The following TNFRSF21 variants were observed in gnomAD, a reference collection of about 807,000 sequenced individuals.
TNFRSF21 encodes TNF receptor superfamily member 21, also known as tumor necrosis factor receptor superfamily member 21.
In TNFRSF21, 19 loss-of-function variants were observed where a neutral mutation model predicts 45.6. The observed-to-expected ratio is 0.42, with a 90% CI of 0.29 to 0.61. TNFRSF21 has a LOEUF of 0.61. Among genes scored for constraint, TNFRSF21 ranks in the 20% least tolerant of loss-of-function variants. The probability of loss-of-function intolerance (pLI) is 0.23; values close to 1 mark genes in which losing one functional copy is unlikely to be tolerated. For missense variants in TNFRSF21, 737 were observed against 851.5 expected, an observed-to-expected ratio of 0.87 and a Z score of 1.67; for synonymous variants, 314 against 335.5, an observed-to-expected ratio of 0.94 and a Z score of 0.70.
At chr6:47,237,936 A>C (rs892944990) in intron 4 of TNFRSF21, among the ~76,000 whole-genome samples, 1 of 152,046 alleles carries the variant, frequency 6.6e-6, no homozygotes, top group African/African-American at 2.4e-5. Flanking sequence ...TGTAATCCCA[A>C]CTACTTGGGA....
At chr6:47,269,722 T>A (rs2207721) in intron 3 of TNFRSF21, among the ~76,000 whole-genome samples, 3,886 of 152,312 alleles carry the variant, frequency 0.026, 169 homozygotes, top group African/African-American at 0.088. Flanking sequence ...AAATATCATC[T>A]AAGACAGAGA....
At chr6:47,294,581 G>T (rs143746434) in intron 1 of TNFRSF21, among the ~76,000 whole-genome samples, 1 of 152,286 alleles carries the variant, frequency 6.6e-6, no homozygotes, top group East Asian at 1.9e-4. Context: ...AGACCCTGAG[G>T]ACATCACTCT....
intron 3 of TNFRSF21, among the ~76,000 whole-genome samples, chr6:47,272,726 A>AGCTGGTTTTTTT (rs1762441006): frequency 6.6e-6 from 1 of 152,226 alleles, no homozygotes; most frequent in Admixed American, 6.5e-5. Context: ...TGAATCCAGG[A>AGCTGGTTTTTTT]GCTGGTTTTT....
chr6:47,258,396 TG>T (rs10708832), intron 3 of TNFRSF21, among the ~76,000 whole-genome samples: 9,587 of 142,604 alleles, frequency 0.067, 499 homozygotes, highest in African/African-American at 0.13. Context: ...AAAGTAATTG[TG>T]GTTTTTTTTT....
At chr6:47,234,957 TC>T in intron 4 of TNFRSF21, 59 bp from the exon 5 acceptor site, 1 of 1,040,570 alleles carries the variant, frequency 9.6e-7, no homozygotes, top group Non-Finnish European at 1.3e-6. Flanking sequence ...AAAATTAAAA[TC>T]CCTCCTCAGA....
At chr6:47,274,207 G>A (rs1254917953) in intron 3 of TNFRSF21, among the ~76,000 whole-genome samples, 2 of 152,164 alleles carry the variant, frequency 1.3e-5, no homozygotes, top group East Asian at 1.9e-4. Context: ...GAACAAAGCT[G>A]GAGGCATCAC....
In TNFRSF21 at chr6:47,234,857, C is replaced by T. The variant is rs1289871505; in HGVS notation, c.1551G>A (p.Pro517=). 1 of 1,444,090 alleles carries T rather than the reference C, an allele frequency of 6.9e-7. No homozygotes were observed. Among genetic ancestry groups the T allele is most frequent in the Admixed American group, 3.3e-5 (1 of 29,900 alleles). 89.5% of individuals were successfully genotyped at this position (1,444,090 alleles called of 1,614,324 possible). A position where few individuals can be genotyped will look rare whatever the true frequency, so the allele number is the denominator to read the frequency against. ...DKLALPMSPS[P]LSPSPIPSPN... ...GGCTGGGGATGGGGCTCGGGCTAAG[C>T]GGGCTGGGGCTCATCGGGAGAGCTA... The change falls in exon 5 of 6, where the codon CCG becomes CCA. Residue 517 remains proline, a synonymous_variant. Transcript: ENST00000296861.
chr6:47,238,049 CA>C (rs1284271164), intron 4 of TNFRSF21, among the ~76,000 whole-genome samples: 3 of 146,740 alleles, frequency 2.0e-5, no homozygotes, highest in East Asian at 4.0e-4. Flanking sequence ...GACTCTGTCT[CA>C]AAAAAAAAGA....
rs532118304 is a variant in TNFRSF21 at position 47,252,296 on chromosome 6, C to T, written c.1509+960G>A. ...GGACCACTGGAATAATAACACAGAC[C>T]GGCCCTTTAAATCTTAAGTGGGTTT... On this transcript the variant is annotated intron_variant, in intron 4 of 5. Transcript: ENST00000296861. Among the ~76,000 whole-genome samples, 13 of 152,244 alleles carry T rather than the reference C, an allele frequency of 8.5e-5. No individual in the cohort carries two copies. In the South Asian group the frequency reaches 1.5e-3, roughly 17 times the overall value.
intron 4 of TNFRSF21, among the ~76,000 whole-genome samples, chr6:47,243,171 A>G (rs1764772111): frequency 6.6e-6 from 1 of 152,188 alleles, no homozygotes; most frequent in Non-Finnish European, 1.5e-5. Flanking sequence ...TACAAGTCTA[A>G]GTTAACCTTT....
intron 1 of TNFRSF21, 97 bp from the exon 2 acceptor site, chr6:47,286,692 C>A: frequency 1.5e-6 from 2 of 1,297,712 alleles, no homozygotes; most frequent in Non-Finnish European, 2.1e-6. Flanking sequence ...GCACCACCAT[C>A]ATCATTCCTG....
chr6:47,309,615 A>C lies in TNFRSF21; in HGVS notation c.-104T>G. 1 of 1,361,628 alleles carries C rather than the reference A, an allele frequency of 7.3e-7. No homozygotes were observed. Among genetic ancestry groups the C allele is most frequent in the African/African-American group, 1.5e-5 (1 of 64,846 alleles). 84.3% of individuals were successfully genotyped at this position (1,361,628 alleles called of 1,614,324 possible). On this transcript the variant is annotated 5_prime_UTR_variant, in exon 1 of 6. Transcript: ENST00000296861. ...ATCCACCGCCGCCTCCCGGGCCGGG[A>C]GCCCATCTACCTCCAACACCCCATG...
chr6:47,307,629 C>G (rs1014407337), intron 1 of TNFRSF21, among the ~76,000 whole-genome samples: 18 of 152,192 alleles, frequency 1.2e-4, no homozygotes, highest in African/African-American at 2.4e-5. Context: ...CCACCCTGGC[C>G]GCCCAAAACG....
At chr6:47,246,926 T>G (rs1302604656) in intron 4 of TNFRSF21, among the ~76,000 whole-genome samples, 4 of 152,234 alleles carry the variant, frequency 2.6e-5, no homozygotes, top group African/African-American at 7.2e-5. Context: ...TAATTCCTCA[T>G]GCACACTTCT....
chr6:47,277,591 A>G (rs1299369671), intron 3 of TNFRSF21, among the ~76,000 whole-genome samples: 1 of 152,234 alleles, frequency 6.6e-6, no homozygotes, highest in African/African-American at 2.4e-5. Flanking sequence ...ACACATGAAG[A>G]AACTAAAGCA....
chr6:47,302,534 G>A (rs757172093), intron 1 of TNFRSF21, among the ~76,000 whole-genome samples: 1 of 152,112 alleles, frequency 6.6e-6, no homozygotes, highest in East Asian at 1.9e-4. Context: ...TTCCATCTTA[G>A]CGATGGCACC....
chr6:47,306,649 T>C (rs1203133048), intron 1 of TNFRSF21, among the ~76,000 whole-genome samples: 2 of 152,258 alleles, frequency 1.3e-5, no homozygotes. Flanking sequence ...TTATATCATA[T>C]TGTGTACCTA....
intron 4 of TNFRSF21, among the ~76,000 whole-genome samples, chr6:47,245,969 C>T (rs1000006354): frequency 2.0e-5 from 3 of 152,126 alleles, no homozygotes; most frequent in African/African-American, 7.2e-5. Context: ...AATCAGATCT[C>T]GTGAGAACTC....
chr6:47,242,510 G>C (rs1764760249), intron 4 of TNFRSF21, among the ~76,000 whole-genome samples: 1 of 152,118 alleles, frequency 6.6e-6, no homozygotes, highest in Non-Finnish European at 1.5e-5. Context: ...GCCAATCCTT[G>C]CCCTAAGCAA....
Sources: allele counts gnomAD v4.1 joint callset (sites outside exome capture counted in the v4.1 genomes callset), GRCh38; gene constraint gnomAD v4.1.1; transcripts MANE v1.5; gene names NCBI Gene and HGNC (gene_info 2026-07-23, HGNC 2026-07-21).